GALNT13: variants seen among roughly 807,000 people sequenced by gnomAD.
GALNT13 encodes polypeptide N-acetylgalactosaminyltransferase 13.
GALNT13 carries 28 observed loss-of-function variants against 64.2 expected under a neutral mutation model. The ratio of observed to expected loss-of-function variants is 0.44; its 90% confidence interval spans 0.32 to 0.60. The LOEUF is 0.60. GALNT13 is among the 20% of genes least tolerant of loss of function. The probability of loss-of-function intolerance (pLI) is 0.05; values close to 1 mark genes in which losing one functional copy is unlikely to be tolerated. For missense variants in GALNT13, 577 were observed against 669.8 expected (o/e 0.86, Z 1.53); for synonymous variants, 214 against 224.6 (o/e 0.95, Z 0.42).
intron 4 of GALNT13, among the ~76,000 whole-genome samples, chr2:154,205,598 T>A (rs1404666069): frequency 6.6e-6 from 1 of 152,148 alleles, no homozygotes; most frequent in East Asian, 1.9e-4. Context: ...AAGAAAGAGG[T>A]TTGTTGGACT....
chr2:153,855,733 G>GTA, the GALNT13 span, among the ~76,000 whole-genome samples: 1 of 152,040 alleles, frequency 6.6e-6, no homozygotes, highest in African/African-American at 2.4e-5. Flanking sequence ...TCACTCCTAG[G>GTA]TATATACACA....
At chr2:153,736,301 A>G in the GALNT13 span, among the ~76,000 whole-genome samples, 16 of 152,168 alleles carry the variant, frequency 1.1e-4, no homozygotes, top group Admixed American at 8.5e-4. Flanking sequence ...AAATTATCTC[A>G]TATTTTGGCC....
chr2:153,227,858 A>G, the GALNT13 span, among the ~76,000 whole-genome samples: 2 of 152,260 alleles, frequency 1.3e-5, no homozygotes, highest in African/African-American at 2.4e-5. Context: ...AGTAAAGCAC[A>G]TTCTGTTGGC....
the GALNT13 span, among the ~76,000 whole-genome samples, chr2:153,848,351 G>A: frequency 6.6e-6 from 1 of 152,248 alleles, no homozygotes; most frequent in Non-Finnish European, 1.5e-5. Context: ...GGATACAAGG[G>A]AATTTACACA....
At chr2:154,150,833 A>G (rs1468850868) in intron 4 of GALNT13, among the ~76,000 whole-genome samples, 1 of 152,036 alleles carries the variant, frequency 6.6e-6, no homozygotes, top group Non-Finnish European at 1.5e-5. Context: ...CTTCTTTATT[A>G]GTCTTGCTAG....
At chr2:153,771,395 A>C in the GALNT13 span, among the ~76,000 whole-genome samples, 1 of 152,200 alleles carries the variant, frequency 6.6e-6, no homozygotes, top group South Asian at 2.1e-4. Flanking sequence ...CCACTGCACC[A>C]AGTCCTTTGC....
intron 3 of GALNT13, among the ~76,000 whole-genome samples, chr2:153,969,193 G>T (rs1254188447): frequency 6.6e-6 from 1 of 151,818 alleles, no homozygotes; most frequent in Non-Finnish European, 1.5e-5. Flanking sequence ...TCCATTTTTT[G>T]AGGATTAAAG....
At chr2:153,934,295 T>C (rs1455851462) in intron 2 of GALNT13, among the ~76,000 whole-genome samples, 3 of 152,178 alleles carry the variant, frequency 2.0e-5, no homozygotes, top group Non-Finnish European at 4.4e-5. Flanking sequence ...TGTTCGGAGA[T>C]TACCAAGTTT....
chr2:153,832,469 G>T, the GALNT13 span, among the ~76,000 whole-genome samples: 1 of 152,226 alleles, frequency 6.6e-6, no homozygotes, highest in Non-Finnish European at 1.5e-5. Context: ...AGTTGTAAAA[G>T]ATCTTTATTT....
the GALNT13 span, among the ~76,000 whole-genome samples, chr2:153,393,211 C>T: frequency 2.0e-5 from 3 of 151,934 alleles, no homozygotes; most frequent in African/African-American, 4.8e-5. Flanking sequence ...TCTCATTAGA[C>T]CAATCGACTA....
chr2:153,081,459 T>C, the GALNT13 span, among the ~76,000 whole-genome samples: 1 of 152,192 alleles, frequency 6.6e-6, no homozygotes, highest in Non-Finnish European at 1.5e-5. Flanking sequence ...TTAGGCCTTA[T>C]TCATACTTTC....
chr2:153,093,853 T>C, the GALNT13 span, among the ~76,000 whole-genome samples: 5 of 152,128 alleles, frequency 3.3e-5, no homozygotes, highest in African/African-American at 1.2e-4. Flanking sequence ...TCAATTTCAT[T>C]ACTTTTTATT....
At chr2:153,564,781 C>T in the GALNT13 span, among the ~76,000 whole-genome samples, 227 of 152,146 alleles carry the variant, frequency 1.5e-3, no homozygotes, top group Middle Eastern at 3.4e-3. Flanking sequence ...TGTCGAAAGT[C>T]GCTCTCTTCA....
chr2:153,512,826 C>T, the GALNT13 span, among the ~76,000 whole-genome samples: 5 of 152,118 alleles, frequency 3.3e-5, no homozygotes, highest in Admixed American at 2.6e-4. Context: ...GACAGAAAAA[C>T]AGATGCCTGG....
At chr2:154,363,083 C>T (rs1393852011) in intron 9 of GALNT13, among the ~76,000 whole-genome samples, 1 of 152,128 alleles carries the variant, frequency 6.6e-6, no homozygotes. Flanking sequence ...TTTTTTCTCA[C>T]CTGATTCTAC....
the GALNT13 span, among the ~76,000 whole-genome samples, chr2:153,321,092 A>G: frequency 1.3e-5 from 2 of 152,170 alleles, no homozygotes; most frequent in Admixed American, 6.6e-5. Flanking sequence ...CTGGACATCA[A>G]TACAAGCTTG....
chr2:153,641,016 T>A, the GALNT13 span, among the ~76,000 whole-genome samples: 1 of 152,158 alleles, frequency 6.6e-6, no homozygotes, highest in East Asian at 1.9e-4. Flanking sequence ...TTCAGCAGTT[T>A]TAGTCTAGGA....
At chr2:153,804,725 A>T in the GALNT13 span, among the ~76,000 whole-genome samples, 1,588 of 152,304 alleles carry the variant, frequency 0.01, 21 homozygotes, top group African/African-American at 0.035. Flanking sequence ...TGTAAAAATG[A>T]GTGATACTTA....
At chr2:153,959,892 T>C (rs984288602) in intron 3 of GALNT13, among the ~76,000 whole-genome samples, 1 of 152,140 alleles carries the variant, frequency 6.6e-6, no homozygotes, top group Non-Finnish European at 1.5e-5. Context: ...CTGACAGGGC[T>C]GCCTGTCAGA....
Sources: gnomAD v4.1 joint callset for allele counts (sites outside exome capture counted in the v4.1 genomes callset) on GRCh38, gnomAD v4.1.1 for gene constraint, MANE v1.5 for transcripts, NCBI Gene and HGNC (gene_info 2026-07-23, HGNC 2026-07-21) for gene names.